The following LGSN variants were observed in gnomAD, a reference collection of about 807,000 sequenced individuals.
The protein encoded by LGSN is lengsin.
A neutral mutation model predicts 19.5 loss-of-function variants in LGSN; 21 were observed. The ratio of observed to expected loss-of-function variants is 1.07; its 90% CI spans 0.76 to 1.55. The LOEUF (loss-of-function observed/expected upper bound fraction) is 1.55. Among genes scored for constraint, LGSN ranks in the 40% most tolerant of loss-of-function variants. LGSN has a pLI of 0.00. For missense variants in LGSN, 673 were observed against 608.5 expected (o/e 1.11, Z -1.12); for synonymous variants, 257 against 215.6 (o/e 1.19, Z -1.68).
At chr6:63,282,317 A>G (rs1025187304) in intron 3 of LGSN, among the ~76,000 whole-genome samples, 4 of 152,112 alleles carry the variant, frequency 2.6e-5, no homozygotes, top group Admixed American at 6.5e-5. Flanking sequence ...CACTCTAACA[A>G]TCTGCAAGCC....
At chr6:63,358,126 A>G in the LGSN span, among the ~76,000 whole-genome samples, 21 of 152,332 alleles carry the variant, frequency 1.4e-4, no homozygotes, top group African/African-American at 5.1e-4. Context: ...CAGGTTCGTC[A>G]AAGATCAGAT....
the LGSN span, among the ~76,000 whole-genome samples, chr6:63,352,623 C>T: frequency 6.6e-6 from 1 of 151,646 alleles, no homozygotes; most frequent in Non-Finnish European, 1.5e-5. Flanking sequence ...ATCACACCAC[C>T]GCACTCCAGT....
the LGSN span, among the ~76,000 whole-genome samples, chr6:63,377,640 C>T: frequency 3.9e-5 from 6 of 152,004 alleles, no homozygotes; most frequent in South Asian, 2.1e-4. Context: ...GGGCCAGGCA[C>T]GGTGGCTCAC....
the LGSN span, among the ~76,000 whole-genome samples, chr6:63,412,466 A>AGGAAAGAAAG: frequency 8.9e-5 from 11 of 124,012 alleles, no homozygotes; most frequent in South Asian, 5.0e-4. Flanking sequence ...AAGAAAGAAA[A>AGGAAAGAAAG]AGAGAGAGAA....
chr6:63,302,244 A>T (rs1363462243), intron 1 of LGSN, among the ~76,000 whole-genome samples: 1 of 152,146 alleles, frequency 6.6e-6, no homozygotes, highest in Non-Finnish European at 1.5e-5. Flanking sequence ...AATTATGTTT[A>T]TTTATGTTAA....
rs1202790971 is a variant in LGSN, at chr6:63,279,560, T to C, written c.*461A>G. On this transcript the variant is annotated 3_prime_UTR_variant, in exon 4 of 4. Coordinates refer to ENST00000370657, the MANE Select transcript of LGSN (RefSeq NM_016571.3). ...ATACAACCTGGATTCACAATATTAT[T>C]TGATTAGCGAGACTATATTAGTATA... The C allele has an allele frequency of 6.5e-6, 1 of 152,828 alleles. No homozygotes were observed. Among genetic ancestry groups the C allele is most frequent in the Non-Finnish European group, 1.5e-5 (1 of 68,538 alleles). 9.5% of individuals were successfully genotyped at this position (152,828 alleles called of 1,614,324 possible).
At chr6:63,326,721 C>A in the LGSN span, among the ~76,000 whole-genome samples, 1 of 152,216 alleles carries the variant, frequency 6.6e-6, no homozygotes, top group Non-Finnish European at 1.5e-5. Flanking sequence ...TTGCCCAGGG[C>A]CAGCAGCGCC....
chr6:63,572,602 G>T, the LGSN span: 1 of 418,216 alleles, frequency 2.4e-6, no homozygotes, highest in Non-Finnish European at 4.1e-6. Flanking sequence ...CGCCACCGCC[G>T]CTCCGCCACG....
the LGSN span, chr6:63,573,567 A>G: frequency 6.6e-6 from 1 of 152,206 alleles, no homozygotes; most frequent in East Asian, 1.9e-4. Context: ...CCTCTGGGGC[A>G]TTCCGCGAGC....
chr6:63,416,838 G>C, the LGSN span, among the ~76,000 whole-genome samples: 7 of 151,880 alleles, frequency 4.6e-5, no homozygotes, highest in Admixed American at 2.0e-4. Flanking sequence ...AAAGTGCTGG[G>C]ATTGCAGGCA....
At chr6:63,377,958 A>T in the LGSN span, among the ~76,000 whole-genome samples, 1 of 150,520 alleles carries the variant, frequency 6.6e-6, no homozygotes, top group African/African-American at 2.4e-5. Flanking sequence ...GATGAATAAC[A>T]AGAAAGAAAA....
At chr6:63,409,411 T>G in the LGSN span, among the ~76,000 whole-genome samples, 1 of 152,196 alleles carries the variant, frequency 6.6e-6, no homozygotes, top group Non-Finnish European at 1.5e-5. Context: ...TTTTAAGAAA[T>G]TTTTACATAT....
the LGSN span, among the ~76,000 whole-genome samples, chr6:63,359,420 C>T: frequency 6.6e-6 from 1 of 152,304 alleles, no homozygotes; most frequent in Admixed American, 6.5e-5. Context: ...ACCAGGTCCT[C>T]CTTGTACCTC....
chr6:63,526,928 G>A, the LGSN span, among the ~76,000 whole-genome samples: 12 of 149,648 alleles, frequency 8.0e-5, no homozygotes, highest in Non-Finnish European at 1.8e-4. Flanking sequence ...TATATGTAAG[G>A]GCATCCATGA....
the LGSN span, among the ~76,000 whole-genome samples, chr6:63,467,505 G>C: frequency 6.6e-6 from 1 of 152,114 alleles, no homozygotes; most frequent in Non-Finnish European, 1.5e-5. Flanking sequence ...CAAGATCAAG[G>C]TGTCACCAGG....
At chr6:63,422,366 C>T in the LGSN span, among the ~76,000 whole-genome samples, 1 of 151,668 alleles carries the variant, frequency 6.6e-6, no homozygotes, top group Admixed American at 6.6e-5. Context: ...GCCTGGTCCC[C>T]CAAAAAAATC....
chr6:63,508,083 A>G, the LGSN span, among the ~76,000 whole-genome samples: 4 of 152,206 alleles, frequency 2.6e-5, no homozygotes, highest in Non-Finnish European at 2.9e-5. Context: ...AATGTTACAC[A>G]TTTAACTAGT....
chr6:63,486,058 T>A, the LGSN span, among the ~76,000 whole-genome samples: 1 of 152,056 alleles, frequency 6.6e-6, no homozygotes, highest in Non-Finnish European at 1.5e-5. Context: ...TTGATCAGGA[T>A]CTCCTAATCA....
At chr6:63,513,910 CAAAAAAAAAAA>C in the LGSN span, among the ~76,000 whole-genome samples, 3 of 10,682 alleles carry the variant, frequency 2.8e-4, no homozygotes, top group Non-Finnish European at 3.4e-4. Context: ...GACTTCATCT[CAAAAAAAAAAA>C]AAAAAAAAAA....
Sources: allele counts gnomAD v4.1 joint callset (sites outside exome capture counted in the v4.1 genomes callset), GRCh38; gene constraint gnomAD v4.1.1; transcripts MANE v1.5; gene names NCBI Gene and HGNC (gene_info 2026-07-23, HGNC 2026-07-21).